Variants in PLXND1 observed in about 807,000 individuals in gnomAD.
The protein encoded by PLXND1 is plexin D1, also known as plexin-D1.
Under a neutral mutation model 197.7 loss-of-function variants are expected in PLXND1, and 54 were observed. The ratio of observed to expected loss-of-function variants is 0.27; its 90% CI spans 0.22 to 0.34. The LOEUF (loss-of-function observed/expected upper bound fraction) is 0.34, where lower values mean the gene tolerates loss of function less well. Among genes scored for constraint, PLXND1 ranks in the 10% least tolerant of loss-of-function variants. The probability of loss-of-function intolerance (pLI) is 1.00; values close to 1 mark genes in which losing one functional copy is unlikely to be tolerated. For missense variants in PLXND1, 2,127 were observed against 2,699.2 expected (o/e 0.79, Z 4.70); for synonymous variants, 1,180 against 1,161.2 (o/e 1.02, Z -0.33).
chr3:129,575,404 C>T, intron 11 of PLXND1, 65 bp downstream of exon 11: 1 of 1,006,368 alleles, frequency 9.9e-7, no homozygotes, highest in Non-Finnish European at 1.5e-6. Context: ...ATGAGTCGCA[C>T]AAGGCTGAGC....
At position 129,605,697 on chromosome 3, in the gene PLXND1, G is replaced by C; in HGVS notation, c.943C>G (p.Arg315Gly). 5 of 1,539,024 alleles carry C rather than the reference G, an allele frequency of 3.2e-6. No homozygotes were observed. Among genetic ancestry groups the C allele is most frequent in the Non-Finnish European group, 4.4e-6 (5 of 1,144,882 alleles). Residue 315 changes from arginine to glycine, a missense_variant, in exon 1 of 36, where the codon CGG becomes GGG. Transcript: ENST00000324093. ...AGGCAGATGCGCGCCAGCAGGCTCCGCGCCTGGCTCTCCTTGTCGCCCGCG... is the reference window on the plus strand; with the variant it reads ...AGGCAGATGCGCGCCAGCAGGCTCCCCGCCTGGCTCTCCTTGTCGCCCGCG... ...ARAGDKESQA[R>G]SLLARICLPH...
At chr3:129,574,734 G>T (rs746215909) in intron 11 of PLXND1, among the ~76,000 whole-genome samples, 1 of 152,146 alleles carries the variant, frequency 6.6e-6, no homozygotes, top group Non-Finnish European at 1.5e-5. Flanking sequence ...CCCTCACAGA[G>T]ACTCCAGCTG....
chr3:129,575,129 C>A (rs1315895288), intron 11 of PLXND1, among the ~76,000 whole-genome samples: 13 of 152,174 alleles, frequency 8.5e-5, no homozygotes, highest in Admixed American at 8.5e-4. Context: ...AACTGCACAG[C>A]TGCCACGCGA....
chr3:129,568,600 G>A (rs2085177042), intron 20 of PLXND1, among the ~76,000 whole-genome samples: 2 of 152,198 alleles, frequency 1.3e-5, no homozygotes, highest in South Asian at 4.1e-4. Flanking sequence ...CCAGGCTGAA[G>A]TACAGTGGCG....
Position 129,586,264 on chromosome 3 carries a change from C to A in PLXND1, c.1629G>T (p.Arg543Ser), listed in dbSNP as rs148674866. 1.4e-4 allele frequency: 217 copies of A among 1,577,140 alleles called. No individual in the cohort carries two copies. The African/African-American group carries it at 2.7e-3, about 19-fold the overall frequency. Residue 543 changes from arginine (R) to serine (S), a missense_variant, in exon 4 of 36, where the codon AGG becomes AGT. By Grantham distance (110) the Arg-to-Ser change is moderately radical. Coordinates refer to ENST00000324093, the MANE Select transcript of PLXND1 (RefSeq NM_015103.3). ...GCACGTTGCAGGCGGCGACCTTCAC[C>A]CTGGCCATCTGGGGGCAGAGGTGGG... Reference protein sequence around the residue: ...LYLMTSHQMARVKVAACNVHS... With the variant: ...LYLMTSHQMASVKVAACNVHS...
chr3:129,592,174 G>T (rs1404739426), intron 1 of PLXND1, among the ~76,000 whole-genome samples: 1 of 151,962 alleles, frequency 6.6e-6, no homozygotes, highest in African/African-American at 2.4e-5. Context: ...ACTCCATCCT[G>T]TGTGTGTTAC....
intron 1 of PLXND1, among the ~76,000 whole-genome samples, chr3:129,598,924 T>C (rs962521205): frequency 1.3e-5 from 2 of 152,070 alleles, no homozygotes; most frequent in Admixed American, 1.3e-4. Flanking sequence ...CTGGGGAGAT[T>C]AAAAGATATG....
chr3:129,598,472 C>A (rs190774901), intron 1 of PLXND1, among the ~76,000 whole-genome samples: 43 of 152,164 alleles, frequency 2.8e-4, no homozygotes, highest in African/African-American at 9.6e-4. Context: ...GACGGGCATG[C>A]GATGTTACCA....
intron 27 of PLXND1, 27 bp from the exon 28 acceptor site, chr3:129,561,930 G>A: frequency 6.5e-7 from 1 of 1,537,698 alleles, no homozygotes; most frequent in South Asian, 1.1e-5. Flanking sequence ...AGGCCATCAG[G>A]GTCCGGGCAG....
At chr3:129,569,631 TC>T (rs558998412) in intron 20 of PLXND1, 41 of 553,372 alleles carry the variant, frequency 7.4e-5, no homozygotes, top group African/African-American at 6.6e-4. Flanking sequence ...GCCTAGCATA[TC>T]CCCTGGCCAC....
intron 29 of PLXND1, 25 bp downstream of exon 29, chr3:129,561,621 C>T: frequency 1.3e-6 from 2 of 1,570,038 alleles, no homozygotes; most frequent in Non-Finnish European, 1.7e-6. Flanking sequence ...AGCCTGGGCT[C>T]CCTTCCCACG....
intron 5 of PLXND1, among the ~76,000 whole-genome samples, chr3:129,585,606 G>C (rs1025864513): frequency 6.6e-6 from 1 of 152,178 alleles, no homozygotes; most frequent in Non-Finnish European, 1.5e-5. Flanking sequence ...TCTAGAACCC[G>C]CCTCTTGAGT....
At chr3:129,592,219 G>A (rs914035628) in intron 1 of PLXND1, among the ~76,000 whole-genome samples, 3 of 152,122 alleles carry the variant, frequency 2.0e-5, no homozygotes, top group African/African-American at 4.8e-5. Context: ...GGTGCTGAGC[G>A]GTCTCCCCAG....
intron 1 of PLXND1, 46 bp downstream of exon 1, chr3:129,605,265 GCCCGCCCCCGCCCCCGCC>G: frequency 3.5e-6 from 1 of 283,346 alleles, no homozygotes. Flanking sequence ...CTCGGTTCCC[GCCCGCCCCCGCCCCCGCC>G]CCCGCCGCCG....
chr3:129,571,043 G>C lies in PLXND1; in HGVS notation c.3597C>G (p.Ile1199Met). 6.2e-7 allele frequency: 1 copy of C among 1,613,820 alleles called. No homozygotes were observed. The highest frequency in any genetic ancestry group is 8.5e-7 in the Non-Finnish European group (1 of 1,179,720). Residue 1199 changes from isoleucine (I) to methionine (M), a missense_variant, in exon 18 of 36, where the codon ATC (isoleucine) becomes ATG (methionine). By Grantham distance (10) the Ile-to-Met change is conservative. Around this residue, in one of 6 missense-constraint regions of PLXND1, gnomAD observed 532 missense variants for 811.0 expected, o/e 0.66. Coordinates refer to ENST00000324093, the MANE Select transcript of PLXND1 (RefSeq NM_015103.3). ...HHPGEPLTLV[I>M]HKEQDSLGLQ... ...CCCCGGCCCCTTTGGTGCTCACGTG[G>C]ATAACGAGGGTGAGAGGCTCCCCGG...
intron 12 of PLXND1, among the ~76,000 whole-genome samples, chr3:129,574,101 G>A (rs1212289400): frequency 6.6e-6 from 1 of 152,130 alleles, no homozygotes; most frequent in Non-Finnish European, 1.5e-5. Flanking sequence ...TCTCCTCCAC[G>A]CCACACTTCC....
intron 2 of PLXND1, among the ~76,000 whole-genome samples, chr3:129,587,867 A>C (rs2085483266): frequency 6.6e-6 from 1 of 152,150 alleles, no homozygotes; most frequent in African/African-American, 2.4e-5. Flanking sequence ...CCAACTCAAA[A>C]TTACCTTCTC....
Position 129,606,611 on chromosome 3 carries a change from G to C in PLXND1, c.29C>G (p.Pro10Arg), listed in dbSNP as rs1157687213. MAPRAAGGA[P>R]LSARAAAASP... ...GGCGGCGGCGGCCCGGGCGCTAAGG[G>C]GTGCGCCGCCCGCGGCGCGAGGAGC... The change falls in exon 1 of 36, where the codon CCC becomes CGC. Residue 10 changes from proline (P) to arginine (R), a missense_variant. By Grantham distance (103) the Pro-to-Arg change is moderately radical. Around this residue, in one of 6 missense-constraint regions of PLXND1, gnomAD observed 245 missense variants for 267.1 expected, o/e 0.92. Transcript: ENST00000324093. 2.5e-6 allele frequency: 3 copies of C among 1,177,566 alleles called. No individual in the cohort carries two copies. Among genetic ancestry groups the C allele is most frequent in the Admixed American group, 4.6e-5 (1 of 21,674 alleles). 72.9% of individuals were successfully genotyped at this position (1,177,566 alleles called of 1,614,324 possible).
chr3:129,599,362 G>T (rs1465743462), intron 1 of PLXND1, among the ~76,000 whole-genome samples: 1 of 152,270 alleles, frequency 6.6e-6, no homozygotes, highest in Non-Finnish European at 1.5e-5. Context: ...TCCAAGAACG[G>T]ATGGGACTTT....
Sources: allele counts gnomAD v4.1 joint callset (sites outside exome capture counted in the v4.1 genomes callset), GRCh38; gene constraint gnomAD v4.1.1; regional missense constraint gnomAD v4.1.1; transcripts MANE v1.5; gene names NCBI Gene and HGNC (gene_info 2026-07-23, HGNC 2026-07-21).